Variants in RUNX1 observed in about 807,000 individuals in gnomAD.
The protein encoded by RUNX1 is RUNX family transcription factor 1.
In RUNX1, 19 loss-of-function variants were observed where a neutral mutation model predicts 42.8. The observed-to-expected ratio is 0.44, with a 90% CI of 0.31 to 0.65. RUNX1 has a LOEUF of 0.65. Ranked by LOEUF, RUNX1 falls within the 30% of genes least tolerant of loss-of-function variation. RUNX1 has a pLI of 0.07. For missense variants in RUNX1, 528 were observed against 672.0 expected (o/e 0.79, Z 2.37); for synonymous variants, 271 against 289.4 (o/e 0.94, Z 0.64).
chr21:34,863,279 C>A (rs1239292053), intron 5 of RUNX1, among the ~76,000 whole-genome samples: 1 of 152,166 alleles, frequency 6.6e-6, no homozygotes, highest in Non-Finnish European at 1.5e-5. Context: ...TACAAGAAAT[C>A]TGGACTGGAG....
chr21:34,886,807 C>T (rs1299275144), intron 4 of RUNX1, 36 bp downstream of exon 4: 5 of 1,611,152 alleles, frequency 3.1e-6, no homozygotes, highest in Non-Finnish European at 4.2e-6. Context: ...TCGCCGGCCT[C>T]CGCCTGTCCT....
intron 2 of RUNX1, among the ~76,000 whole-genome samples, chr21:35,041,961 G>C (rs895741231): frequency 6.6e-6 from 1 of 152,106 alleles, no homozygotes; most frequent in Admixed American, 6.6e-5. Context: ...TTGGGAGGCT[G>C]GGGGATTTTT....
chr21:34,870,115 T>C (rs537467952), intron 5 of RUNX1, among the ~76,000 whole-genome samples: 1 of 152,286 alleles, frequency 6.6e-6, no homozygotes, highest in African/African-American at 2.4e-5. Flanking sequence ...TATGGGGCCC[T>C]GAAATAAGGA....
chr21:34,922,569 AAGAG>A (rs907054993), intron 2 of RUNX1, among the ~76,000 whole-genome samples: 4 of 152,300 alleles, frequency 2.6e-5, no homozygotes, highest in African/African-American at 9.6e-5. Flanking sequence ...GTCTTCCAGA[AAGAG>A]AGAAACAGTG....
rs147006807 is a variant in RUNX1 at position 34,848,022 on chromosome 21, G to A, written c.613+11452C>T. ...CCTCTCATAAGGTCTTTGGGACATG[G>A]TCAAGGGGCCTACCCGTCTAGAGCA... On this transcript the variant is annotated intron_variant, in intron 6 of 8. Transcript: ENST00000675419. Among the ~76,000 whole-genome samples, 32 of 152,218 alleles carry A rather than the reference G, an allele frequency of 2.1e-4. No homozygotes were observed. The East Asian group carries it at 6.2e-3, about 29-fold the overall frequency.
At chr21:34,953,770 T>G (rs1284038902) in intron 2 of RUNX1, among the ~76,000 whole-genome samples, 2 of 152,230 alleles carry the variant, frequency 1.3e-5, no homozygotes, top group Non-Finnish European at 2.9e-5. Flanking sequence ...ATGGTCTGAA[T>G]GTGACTTGAT....
intron 5 of RUNX1, among the ~76,000 whole-genome samples, chr21:34,868,744 C>T (rs1171350737): frequency 6.6e-6 from 1 of 152,222 alleles, no homozygotes; most frequent in East Asian, 1.9e-4. Context: ...TACTTAATTG[C>T]CATGTTCCTT....
At chr21:34,824,876 C>G (rs1390835941) in intron 7 of RUNX1, among the ~76,000 whole-genome samples, 1 of 152,294 alleles carries the variant, frequency 6.6e-6, no homozygotes, top group East Asian at 1.9e-4. Flanking sequence ...GTAAAACCAA[C>G]TCAGTCTGGA....
At chr21:34,798,555 C>G (rs895698446) in intron 8 of RUNX1, among the ~76,000 whole-genome samples, 3 of 152,010 alleles carry the variant, frequency 2.0e-5, no homozygotes, top group African/African-American at 7.3e-5. Context: ...AGTCGGTTCT[C>G]TATATCCGTG....
chr21:34,945,664 G>A (rs1443174464), intron 2 of RUNX1, among the ~76,000 whole-genome samples: 1 of 152,094 alleles, frequency 6.6e-6, no homozygotes, highest in Non-Finnish European at 1.5e-5. Context: ...CCACACTGTG[G>A]CAACTCGAGA....
At chr21:34,956,466 C>T (rs1442468916) in intron 2 of RUNX1, among the ~76,000 whole-genome samples, 1 of 152,112 alleles carries the variant, frequency 6.6e-6, no homozygotes, top group Non-Finnish European at 1.5e-5. Context: ...CTCCTTGGGT[C>T]TTCGAAAGGC....
At chr21:34,889,732 G>A (rs982313415) in intron 3 of RUNX1, 4 of 1,182,056 alleles carry the variant, frequency 3.4e-6, no homozygotes, top group Non-Finnish European at 3.2e-6. Flanking sequence ...GCGGTGCTGC[G>A]GGCATTTTCG....
intron 4 of RUNX1, among the ~76,000 whole-genome samples, chr21:34,885,873 A>G (rs1490961110): frequency 2.6e-5 from 4 of 152,180 alleles, no homozygotes; most frequent in African/African-American, 9.7e-5. Flanking sequence ...ACCAAAGACA[A>G]AACAGAATCT....
intron 7 of RUNX1, among the ~76,000 whole-genome samples, chr21:34,813,378 C>A (rs1386911300): frequency 6.6e-6 from 1 of 152,162 alleles, no homozygotes; most frequent in Non-Finnish European, 1.5e-5. Flanking sequence ...TAGAGGTGCT[C>A]TTCAGGATCG....
In RUNX1 at chr21:34,843,960, G is replaced by C. The variant is rs577097108; in HGVS notation, c.614-9359C>G. Among the ~76,000 whole-genome samples, 1 of 152,318 alleles carries C rather than the reference G, an allele frequency of 6.6e-6. No individual in the cohort carries two copies. Among genetic ancestry groups the C allele is most frequent in the South Asian group, 2.1e-4 (1 of 4,830 alleles). On this transcript the variant is annotated intron_variant, in intron 6 of 8. Coordinates refer to ENST00000675419, the MANE Select transcript of RUNX1 (RefSeq NM_001754.5). The surrounding 1 kb of genome is among the most constrained non-coding windows in gnomAD (Gnocchi z 4.8). The stretch of plus-strand genomic sequence containing the variant: ...TTGACCAGAGGTAGCCCTCTGTGGG[G>C]GAAGTGGAGGCAGTTTCTTAAGAAG...
chr21:34,849,268 A>AAT (rs1555892620), intron 6 of RUNX1, among the ~76,000 whole-genome samples: 2 of 44,060 alleles, frequency 4.5e-5, no homozygotes, highest in Non-Finnish European at 8.6e-5. Flanking sequence ...ATATATATAT[A>AAT]ATATATATAT....
chr21:34,802,827 T>C (rs1324430468), intron 7 of RUNX1, among the ~76,000 whole-genome samples: 1 of 152,234 alleles, frequency 6.6e-6, no homozygotes, highest in Non-Finnish European at 1.5e-5. Context: ...ATAAACCAAC[T>C]GGATGACCTT....
At chr21:34,960,815 G>A (rs1370486548) in intron 2 of RUNX1, among the ~76,000 whole-genome samples, 2 of 152,174 alleles carry the variant, frequency 1.3e-5, no homozygotes, top group Non-Finnish European at 2.9e-5. Context: ...AGGGAGAAGG[G>A]AAAGCTGCCT....
intron 2 of RUNX1, among the ~76,000 whole-genome samples, chr21:34,923,986 T>A (rs1233682700): frequency 6.6e-6 from 1 of 152,222 alleles, no homozygotes; most frequent in Non-Finnish European, 1.5e-5. Context: ...ACATCTCCTG[T>A]CTTCCCCCTC....
Sources: allele counts gnomAD v4.1 joint callset (sites outside exome capture counted in the v4.1 genomes callset), GRCh38; gene constraint gnomAD v4.1.1; non-coding constraint Gnocchi (gnomAD v3.1); transcripts MANE v1.5; gene names NCBI Gene and HGNC (gene_info 2026-07-23, HGNC 2026-07-21).